Variants in ZFPM2 observed in about 807,000 individuals in gnomAD.
ZFPM2 encodes zinc finger protein ZFPM2.
ZFPM2 carries 20 observed loss-of-function variants against 98.6 expected under a neutral mutation model. The observed-to-expected ratio is 0.20, with a 90% CI of 0.14 to 0.29. The LOEUF (loss-of-function observed/expected upper bound fraction) is 0.29, where lower values mean the gene tolerates loss of function less well. Ranked by LOEUF, ZFPM2 falls within the 10% of genes least tolerant of loss-of-function variation. ZFPM2 has a pLI of 1.00. For missense variants in ZFPM2, 1,310 were observed against 1,388.6 expected (o/e 0.94, Z 0.90); for synonymous variants, 518 against 502.7 (o/e 1.03, Z -0.41).
At chr8:105,720,978 C>T (rs1263841784) in intron 5 of ZFPM2, among the ~76,000 whole-genome samples, 3 of 151,794 alleles carry the variant, frequency 2.0e-5, no homozygotes, top group African/African-American at 4.8e-5. Flanking sequence ...AAGAGAAAGT[C>T]GAAAAAACTA....
chr8:105,669,535 C>CGTGTGTGT (rs774418053), intron 5 of ZFPM2, among the ~76,000 whole-genome samples: 16 of 130,902 alleles, frequency 1.2e-4, no homozygotes, highest in African/African-American at 4.4e-4. Flanking sequence ...TGAAAGTGTG[C>CGTGTGTGT]ATGTGTGTGT....
At chr8:105,519,713 C>G (rs1814010084) in intron 3 of ZFPM2, among the ~76,000 whole-genome samples, 1 of 151,830 alleles carries the variant, frequency 6.6e-6, no homozygotes, top group Admixed American at 6.6e-5. Context: ...AAACAGTTCT[C>G]ACACATGCAA....
At chr8:105,542,119 A>G (rs1814586904) in intron 3 of ZFPM2, among the ~76,000 whole-genome samples, 1 of 152,176 alleles carries the variant, frequency 6.6e-6, no homozygotes, top group South Asian at 2.1e-4. Context: ...TAATTTTTAT[A>G]TGAAAAATGG....
chr8:105,600,593 A>G (rs1816071943), intron 4 of ZFPM2, among the ~76,000 whole-genome samples: 1 of 152,112 alleles, frequency 6.6e-6, no homozygotes, highest in Non-Finnish European at 1.5e-5. Flanking sequence ...AAAATTTAAT[A>G]AATGCTATAG....
intron 5 of ZFPM2, among the ~76,000 whole-genome samples, chr8:105,715,699 T>C (rs1292988460): frequency 6.6e-6 from 1 of 152,048 alleles, no homozygotes; most frequent in East Asian, 1.9e-4. Context: ...CAGTGAATGC[T>C]AGAGCTCCAA....
intron 3 of ZFPM2, among the ~76,000 whole-genome samples, chr8:105,522,045 G>A (rs376936205): frequency 2.6e-5 from 4 of 152,220 alleles, no homozygotes; most frequent in South Asian, 2.1e-4. Context: ...TCATGCATGT[G>A]TAAGTATTTG....
chr8:105,352,308 C>T (rs1161015442), intron 1 of ZFPM2, among the ~76,000 whole-genome samples: 1 of 152,034 alleles, frequency 6.6e-6, no homozygotes, highest in East Asian at 1.9e-4. Context: ...TTAAAATATC[C>T]CTGTTCTTTC....
rs2130699044 is a variant in ZFPM2, at chr8:105,561,371, G to A, written c.310G>A (p.Glu104Lys). 1 of 1,613,292 alleles carries A rather than the reference G, an allele frequency of 6.2e-7. No homozygotes were observed. The highest frequency in any genetic ancestry group is 2.2e-5 in the East Asian group (1 of 44,792). The change falls in exon 4 of 8, where the codon GAG becomes AAG. Residue 104 changes from glutamate to lysine, a missense_variant. Physicochemically the swap from Glu to Lys is moderately conservative, Grantham distance 56. Coordinates refer to ENST00000407775, the MANE Select transcript of ZFPM2 (RefSeq NM_012082.4). ...TGTTCCTTTGTCTGCAGGAGAGCTG[G>A]AGGTGTTTCAGAAAGATGGGGAACG... Reference protein sequence around the residue: ...TDDWDGPGELEVFQKDGERKI... With the variant: ...TDDWDGPGELKVFQKDGERKI...
chr8:105,517,707 C>CACACCACACACACACACACA (rs61552974), intron 3 of ZFPM2, among the ~76,000 whole-genome samples: 44 of 124,978 alleles, frequency 3.5e-4, no homozygotes, highest in African/African-American at 1.4e-3. Flanking sequence ...CACACACACA[C>CACACCACACACACACACACA]CACACACACA....
At chr8:105,512,114 C>T (rs1322580871) in intron 3 of ZFPM2, among the ~76,000 whole-genome samples, 1 of 152,184 alleles carries the variant, frequency 6.6e-6, no homozygotes, top group Non-Finnish European at 1.5e-5. Flanking sequence ...CACTGCACTC[C>T]AACCTGGGCC....
At chr8:105,324,046 G>A (rs557909915) in intron 1 of ZFPM2, among the ~76,000 whole-genome samples, 8 of 151,848 alleles carry the variant, frequency 5.3e-5, no homozygotes, top group Admixed American at 3.3e-4. Flanking sequence ...TAGTAAAATT[G>A]CATCAATTTG....
intron 3 of ZFPM2, among the ~76,000 whole-genome samples, chr8:105,547,226 C>G (rs1203296456): frequency 2.0e-5 from 3 of 151,928 alleles, no homozygotes; most frequent in Non-Finnish European, 2.9e-5. Context: ...TTCTGGATAA[C>G]TGATATTTAA....
chr8:105,677,119 A>G, intron 5 of ZFPM2, among the ~76,000 whole-genome samples: 1 of 152,134 alleles, frequency 6.6e-6, no homozygotes, highest in Non-Finnish European at 1.5e-5. Context: ...ATATGCTCCC[A>G]TAATATTTCA....
chr8:105,500,078 A>G (rs1340118731), intron 3 of ZFPM2, among the ~76,000 whole-genome samples: 2 of 152,206 alleles, frequency 1.3e-5, no homozygotes, highest in Non-Finnish European at 2.9e-5. Flanking sequence ...AAACTCTTCT[A>G]TTCCAAATTA....
intron 4 of ZFPM2, among the ~76,000 whole-genome samples, chr8:105,630,889 A>G (rs1045241061): frequency 9.9e-5 from 15 of 152,034 alleles, no homozygotes; most frequent in African/African-American, 3.6e-4. Context: ...AACTCATCCT[A>G]AATTGCCCAA....
intron 4 of ZFPM2, among the ~76,000 whole-genome samples, chr8:105,599,890 C>A (rs1292906838): frequency 2.0e-5 from 3 of 152,062 alleles, no homozygotes; most frequent in Admixed American, 6.6e-5. Context: ...AAAAAATTCT[C>A]CACCTCTTAA....
chr8:105,801,002 C>A, intron 7 of ZFPM2, 45 bp from the exon 8 acceptor site: 1 of 1,547,150 alleles, frequency 6.5e-7, no homozygotes, highest in South Asian at 1.2e-5. Flanking sequence ...ATTCAAAAAC[C>A]AACACACATG....
intron 5 of ZFPM2, among the ~76,000 whole-genome samples, chr8:105,660,529 A>T (rs1250240777): frequency 1.3e-5 from 2 of 152,226 alleles, no homozygotes; most frequent in African/African-American, 4.8e-5. Context: ...AATGCCTTTG[A>T]CAACAAGCAT....
intron 5 of ZFPM2, among the ~76,000 whole-genome samples, chr8:105,718,884 G>T (rs1213892150): frequency 5.3e-5 from 8 of 151,730 alleles, no homozygotes; most frequent in Non-Finnish European, 2.9e-5. Flanking sequence ...AGATTTCACA[G>T]CAACTTTATG....
Sources: allele counts gnomAD v4.1 joint callset (sites outside exome capture counted in the v4.1 genomes callset), GRCh38; gene constraint gnomAD v4.1.1; transcripts MANE v1.5; gene names NCBI Gene and HGNC (gene_info 2026-07-23, HGNC 2026-07-21).